TANC1: variants seen among roughly 807,000 people sequenced by gnomAD.
TANC1 encodes the protein protein TANC1.
A neutral mutation model predicts 149.7 loss-of-function variants in TANC1; 77 were observed. That is an observed-to-expected ratio of 0.51 (90% CI 0.43 to 0.62). The LOEUF is 0.62. Ranked by LOEUF, TANC1 falls within the 20% of genes least tolerant of loss-of-function variation. The pLI, the probability that TANC1 is intolerant of heterozygous loss-of-function variation, is 0.00. For missense variants in TANC1, 1,985 were observed against 2,321.8 expected (o/e 0.85, Z 2.98); for synonymous variants, 854 against 925.0 (o/e 0.92, Z 1.39).
intron 4 of TANC1, among the ~76,000 whole-genome samples, chr2:159,099,381 A>ACTGGGTTATC (rs2046437823): frequency 6.6e-6 from 1 of 152,030 alleles, no homozygotes; most frequent in African/African-American, 2.4e-5. Context: ...TGCCTGTCAT[A>ACTGGGTTATC]CTGGGTTATC....
intron 2 of TANC1, among the ~76,000 whole-genome samples, chr2:159,041,770 C>T (rs2040656500): frequency 6.6e-6 from 1 of 152,326 alleles, no homozygotes; most frequent in African/African-American, 2.4e-5. Context: ...CCTGCTTTGG[C>T]TTGCCCTCTG....
intron 20 of TANC1, among the ~76,000 whole-genome samples, chr2:159,218,530 T>A (rs1309932789): frequency 6.6e-6 from 1 of 152,222 alleles, no homozygotes; most frequent in Non-Finnish European, 1.5e-5. Context: ...TGTTGCCTCC[T>A]GTTGCTGCGG....
intron 5 of TANC1, among the ~76,000 whole-genome samples, chr2:159,144,523 G>A (rs969582323): frequency 6.6e-6 from 1 of 152,190 alleles, no homozygotes; most frequent in South Asian, 2.1e-4. Flanking sequence ...TTACAGGCAC[G>A]TGCTACCATG....
intron 19 of TANC1, among the ~76,000 whole-genome samples, chr2:159,213,447 A>G (rs1420201565): frequency 1.3e-5 from 2 of 151,710 alleles, no homozygotes; most frequent in East Asian, 3.9e-4. Context: ...GTGCCTCGGT[A>G]TGTAAAACTG....
At chr2:159,036,736 C>T (rs562683518) in intron 2 of TANC1, among the ~76,000 whole-genome samples, 209 of 152,286 alleles carry the variant, frequency 1.4e-3, no homozygotes, top group Non-Finnish European at 2.5e-3. Flanking sequence ...ATATGTGGCA[C>T]ATTTTCTTAA....
At chr2:159,035,378 T>C (rs1412349831) in intron 2 of TANC1, among the ~76,000 whole-genome samples, 7 of 152,198 alleles carry the variant, frequency 4.6e-5, no homozygotes, top group Non-Finnish European at 8.8e-5. Flanking sequence ...TGTGGTGTAA[T>C]GCTCATTTTT....
chr2:158,975,300 AG>A (rs1197612722), intron 1 of TANC1, among the ~76,000 whole-genome samples: 2 of 151,914 alleles, frequency 1.3e-5, no homozygotes, highest in African/African-American at 2.4e-5. Flanking sequence ...TTGGGTGTGG[AG>A]GGGGGTGACT....
chr2:159,147,452 G>A (rs1240396174), intron 5 of TANC1: 1 of 152,270 alleles, frequency 6.6e-6, no homozygotes, highest in Non-Finnish European at 1.5e-5. Flanking sequence ...ATCCTGTTCT[G>A]AGGGCCTCAC....
intron 2 of TANC1, among the ~76,000 whole-genome samples, chr2:159,023,119 A>T (rs2038960566): frequency 6.6e-6 from 1 of 152,186 alleles, no homozygotes; most frequent in Non-Finnish European, 1.5e-5. Flanking sequence ...AGTGAAAGGA[A>T]GTCACAAATA....
At chr2:159,220,202 T>A (rs550072963) in intron 22 of TANC1, among the ~76,000 whole-genome samples, 5 of 152,166 alleles carry the variant, frequency 3.3e-5, no homozygotes, top group Admixed American at 1.3e-4. Flanking sequence ...TCCATATAAA[T>A]AAAACTTTTG....
chr2:159,006,830 T>C (rs963496429), intron 2 of TANC1, among the ~76,000 whole-genome samples: 2 of 152,188 alleles, frequency 1.3e-5, no homozygotes, highest in African/African-American at 4.8e-5. Flanking sequence ...ACCGAAAAGC[T>C]ATCCCTGGCC....
In TANC1 at chr2:159,229,756, G is replaced by C; in HGVS notation, c.4330G>C (p.Asp1444His). The C allele has an allele frequency of 6.2e-7, 1 of 1,613,964 alleles. No homozygotes were observed. Among genetic ancestry groups the C allele is most frequent in the Non-Finnish European group, 8.5e-7 (1 of 1,179,960 alleles). Residue 1444 changes from aspartate to histidine, a missense_variant, in exon 27 of 27, where the codon GAC becomes CAC. This residue lies in a region of TANC1 where 920 missense variants were observed against 994.7 expected (regional missense o/e 0.92). Coordinates refer to ENST00000263635, the MANE Select transcript of TANC1 (RefSeq NM_033394.3). The stretch of plus-strand genomic sequence containing the variant: ...ACTCAACGACTCCGAGAACGAAGAG[G>C]ACACCCCAACCCCTGGCTTAAGTGA... ...APLNDSENEE[D>H]TPTPGLSDHF...
At chr2:159,056,793 A>G in intron 2 of TANC1, 1 of 351,542 alleles carries the variant, frequency 2.8e-6, no homozygotes, top group East Asian at 6.5e-5. Flanking sequence ...CCCGTCCATG[A>G]AGTTGGGCAG....
chr2:159,225,543 G>A (rs2059971467), intron 23 of TANC1, 145 bp from the exon 24 acceptor site: 1 of 655,172 alleles, frequency 1.5e-6, no homozygotes, highest in Non-Finnish European at 2.8e-6. Context: ...CAGCCTCGCC[G>A]GCGTCCTGCT....
At position 159,224,244 on chromosome 2, in the gene TANC1, GT is replaced by G; in HGVS notation, c.3692del (p.Val1231GlyfsTer6). 6.2e-7 allele frequency: 1 copy of G among 1,614,160 alleles called. No individual in the cohort carries two copies. The highest frequency in any genetic ancestry group is 8.5e-7 in the Non-Finnish European group (1 of 1,180,032). The part of the protein sequence containing the change: ...YGDAETVLYL[V>X]EKGAVIEHVD... ...GCTGTCTCTGCAGGTGCTGTACCTG[GT>G]GGAGAAGGGAGCCGTGATCGAGCAT... is the stretch of plus-strand genomic sequence containing the variant. On this transcript the variant is annotated frameshift_variant, in exon 23 of 27. Transcript: ENST00000263635. LOFTEE classifies it high-confidence loss of function.
intron 2 of TANC1, among the ~76,000 whole-genome samples, chr2:159,025,187 T>TC (rs1491226944): frequency 2.1e-4 from 28 of 136,376 alleles, no homozygotes; most frequent in East Asian, 1.5e-3. Flanking sequence ...TCTTTTTCTT[T>TC]CTTTTCTTTC....
At chr2:159,140,214 C>G (rs112884033) in intron 5 of TANC1, among the ~76,000 whole-genome samples, 1 of 150,818 alleles carries the variant, frequency 6.6e-6, no homozygotes, top group African/African-American at 2.4e-5. Flanking sequence ...AGAGTGAGAC[C>G]CTGTCTCAAA....
chr2:159,038,284 T>C (rs1273883159), intron 2 of TANC1, among the ~76,000 whole-genome samples: 1 of 152,240 alleles, frequency 6.6e-6, no homozygotes, highest in Non-Finnish European at 1.5e-5. Flanking sequence ...AAATATACAC[T>C]CATGTCATCT....
At chr2:159,111,892 T>C (rs1006913143) in intron 4 of TANC1, among the ~76,000 whole-genome samples, 2 of 152,232 alleles carry the variant, frequency 1.3e-5, no homozygotes. Context: ...TGAAGGTCTT[T>C]GGTAATCACA....
Sources: allele counts gnomAD v4.1 joint callset (sites outside exome capture counted in the v4.1 genomes callset), GRCh38; gene constraint gnomAD v4.1.1; regional missense constraint gnomAD v4.1.1; transcripts MANE v1.5; gene names NCBI Gene and HGNC (gene_info 2026-07-23, HGNC 2026-07-21).